The following CUL2 variants were observed in gnomAD, a reference collection of about 807,000 sequenced individuals.
CUL2 encodes cullin 2.
In CUL2, 22 loss-of-function variants were observed where a neutral mutation model predicts 110.2. The observed-to-expected ratio is 0.20, with a 90% confidence interval of 0.14 to 0.28. CUL2 has a LOEUF of 0.28. Among genes scored for constraint, CUL2 ranks in the 10% least tolerant of loss-of-function variants. The pLI, the probability that CUL2 is intolerant of heterozygous loss-of-function variation, is 1.00. For synonymous variants in CUL2, 279 were observed against 293.2 expected (o/e 0.95, Z 0.49); for missense variants, 631 against 905.5 (o/e 0.70, Z 3.89).
intron 11 of CUL2, 103 bp downstream of exon 11, chr10:35,033,063 A>T: frequency 1.9e-6 from 1 of 515,976 alleles, no homozygotes; most frequent in East Asian, 3.3e-5. Context: ...CTTAATCTCC[A>T]TGTCTACATC....
rs2087583887 is a variant in CUL2, at chr10:35,115,580, G to A, written c.-51+11025C>T. ...ATCTCAAAAGAAAATATTAACAAGG[G>A]AGATAAATTAATTAATCTAAATGTT... On this transcript the variant is annotated intron_variant, in intron 1 of 5. Transcript: ENST00000685421. Among the ~76,000 whole-genome samples the A allele has an allele frequency of 2.0e-5, 3 of 151,010 alleles. No homozygotes were observed. The South Asian group carries it at 6.3e-4, about 32-fold the overall frequency.
intron 2 of CUL2, chr10:35,098,155 T>C (rs2087325230): frequency 6.6e-6 from 1 of 152,132 alleles, no homozygotes; most frequent in Admixed American, 6.6e-5. Flanking sequence ...AAGTATTCTT[T>C]TTTAATAAAA....
chr10:35,076,363 C>G (rs971565728), intron 1 of CUL2, among the ~76,000 whole-genome samples: 5 of 152,030 alleles, frequency 3.3e-5, no homozygotes, highest in African/African-American at 1.2e-4. Context: ...ATACTAAAAA[C>G]CATTAAATTG....
intron 14 of CUL2, among the ~76,000 whole-genome samples, chr10:35,030,682 C>A (rs74343938): frequency 6.6e-6 from 1 of 152,118 alleles, no homozygotes; most frequent in Non-Finnish European, 1.5e-5. Context: ...CACACCTGGC[C>A]AACACTACTT....
At chr10:35,125,340 A>C (rs1379738098) in intron 1 of CUL2, among the ~76,000 whole-genome samples, 1 of 152,268 alleles carries the variant, frequency 6.6e-6, no homozygotes, top group Non-Finnish European at 1.5e-5. Context: ...GACTACATAC[A>C]TATGGGAGTA....
intron 4 of CUL2, among the ~76,000 whole-genome samples, chr10:35,060,469 T>C (rs750137157): frequency 8.5e-5 from 13 of 152,156 alleles, no homozygotes; most frequent in Non-Finnish European, 1.6e-4. Context: ...TTATCTAACA[T>C]CGTTTGCATC....
At chr10:35,018,056 G>A (rs1350394572) in intron 17 of CUL2, among the ~76,000 whole-genome samples, 1 of 149,950 alleles carries the variant, frequency 6.7e-6, no homozygotes, top group African/African-American at 2.5e-5. Context: ...TTTGGGAGGT[G>A]GAGGCAGGCG....
chr10:35,037,729 G>A (rs2085659772), intron 9 of CUL2, among the ~76,000 whole-genome samples: 1 of 152,266 alleles, frequency 6.6e-6, no homozygotes, highest in Admixed American at 6.5e-5. Flanking sequence ...TGTAGTCCCA[G>A]CTACTCAGGA....
chr10:35,087,180 C>A (rs1484481439), intron 1 of CUL2, among the ~76,000 whole-genome samples: 2 of 152,226 alleles, frequency 1.3e-5, no homozygotes, highest in Admixed American at 6.5e-5. Flanking sequence ...AGCTTCCCAA[C>A]AGCGGGTACT....
In CUL2 at chr10:35,030,970, C is replaced by G. The variant is rs111972815; in HGVS notation, c.1386+330G>C. On this transcript the variant is annotated intron_variant, in intron 14 of 20. Transcript: ENST00000374749. ...TAAATATGAACCTGCTACCACTTAT[C>G]GGTATGTAAGCAAGCTGAAATGATG... is the stretch of plus-strand genomic sequence containing the variant. 5.7e-3 allele frequency among the ~76,000 whole-genome samples: 872 copies of G among 152,266 alleles called. 11 individuals carry two copies. Among genetic ancestry groups the G allele is most frequent in the African/African-American group, 0.02 (820 of 41,558 alleles).
intron 3 of CUL2, among the ~76,000 whole-genome samples, chr10:35,061,769 G>GTTTTTT (rs570989508): frequency 1.6e-5 from 2 of 128,520 alleles, no homozygotes; most frequent in Admixed American, 8.0e-5. Context: ...ACTTATGAGG[G>GTTTTTT]TTTTTTTTTT....
intron 1 of CUL2, among the ~76,000 whole-genome samples, chr10:35,104,829 A>G (rs1312065463): frequency 6.6e-6 from 1 of 151,956 alleles, no homozygotes; most frequent in Non-Finnish European, 1.5e-5. Context: ...TCCTGGGTTC[A>G]AGCGATTCTT....
rs1296155783 is a variant in CUL2, at chr10:35,054,797, CG to C, written c.318-259del. Among the ~76,000 whole-genome samples, 3 of 152,278 alleles carry C rather than the reference CG, an allele frequency of 2.0e-5. No individual in the cohort carries two copies. In the East Asian group the frequency reaches 5.8e-4, roughly 29 times the overall value. On this transcript the variant is annotated intron_variant, in intron 4 of 20. Transcript: ENST00000374749. ...CCAAGTTTCAGAATTTCTATAATCTCGTTTGCTACTTCCCAGACTCTTCTTG... is the reference window on the plus strand; with the variant it reads ...CCAAGTTTCAGAATTTCTATAATCTCTTTGCTACTTCCCAGACTCTTCTTG...
At chr10:35,111,877 T>C (rs1175426813) in intron 1 of CUL2, among the ~76,000 whole-genome samples, 1 of 152,154 alleles carries the variant, frequency 6.6e-6, no homozygotes, top group African/African-American at 2.4e-5. Flanking sequence ...TATATTGCTA[T>C]TAATTTCCAA....
intron 17 of CUL2, among the ~76,000 whole-genome samples, chr10:35,021,007 A>G (rs756667141): frequency 7.0e-6 from 1 of 142,582 alleles, no homozygotes; most frequent in African/African-American, 2.6e-5. Flanking sequence ...TATGTTGCCC[A>G]GGCTGATCTT....
intron 1 of CUL2, among the ~76,000 whole-genome samples, chr10:35,082,465 T>C (rs1397256518): frequency 1.3e-5 from 2 of 152,052 alleles, no homozygotes; most frequent in Admixed American, 1.3e-4. Context: ...GTTTTGGAAA[T>C]GGTGGTTTTG....
intron 3 of CUL2, 55 bp from the exon 4 acceptor site, chr10:35,061,023 C>A: frequency 6.6e-7 from 1 of 1,522,490 alleles, no homozygotes; most frequent in Non-Finnish European, 8.9e-7. Context: ...TTTTCACTGT[C>A]AACAATAAAA....
intron 4 of CUL2, among the ~76,000 whole-genome samples, chr10:35,060,083 G>A (rs2086343278): frequency 6.6e-6 from 1 of 152,078 alleles, no homozygotes. Context: ...AACATAGTGA[G>A]ACAGCATCTC....
In CUL2 at chr10:35,021,917, G is replaced by A. The variant is rs528507438; in HGVS notation, c.1684+3215C>T. The stretch of plus-strand genomic sequence containing the variant: ...GAGGTGGGGTGAGGTGGGGCGAAGT[G>A]GGGCGAGGGGGCACCCGGCCCTATT... On this transcript the variant is annotated intron_variant, in intron 17 of 20. Coordinates refer to ENST00000374749, the MANE Select transcript of CUL2 (RefSeq NM_003591.4). Among the ~76,000 whole-genome samples, 151 of 149,562 alleles carry A rather than the reference G, an allele frequency of 1.0e-3. 2 individuals are homozygous for A. Among genetic ancestry groups the A allele is most frequent in the Admixed American group, 8.5e-3 (126 of 14,908 alleles).
Sources: allele counts gnomAD v4.1 joint callset (sites outside exome capture counted in the v4.1 genomes callset), GRCh38; gene constraint gnomAD v4.1.1; transcripts MANE v1.5; gene names NCBI Gene and HGNC (gene_info 2026-07-23, HGNC 2026-07-21).